The following RBPMS variants were observed in gnomAD, a reference collection of about 807,000 sequenced individuals.
RBPMS encodes RNA-binding protein with multiple splicing.
RBPMS carries 7 observed loss-of-function variants against 26.8 expected under a neutral mutation model. The observed-to-expected ratio is 0.26, with a 90% confidence interval of 0.15 to 0.49. The LOEUF is 0.49. Ranked by LOEUF, RBPMS falls within the 20% of genes least tolerant of loss-of-function variation. The pLI, the probability that RBPMS is intolerant of heterozygous loss-of-function variation, is 0.98. For synonymous variants in RBPMS, 96 were observed against 93.3 expected, an observed-to-expected ratio of 1.03 and a Z score of -0.17; for missense variants, 186 against 250.0, an observed-to-expected ratio of 0.74 and a Z score of 1.73.
At chr8:30,470,813 G>A (rs1817006652) in intron 1 of RBPMS, among the ~76,000 whole-genome samples, 1 of 152,168 alleles carries the variant, frequency 6.6e-6, no homozygotes, top group African/African-American at 2.4e-5. Context: ...GCATCTATGG[G>A]TGAGTGGCAA....
chr8:30,523,898 A>C (rs1823313148), intron 5 of RBPMS, among the ~76,000 whole-genome samples: 1 of 152,138 alleles, frequency 6.6e-6, no homozygotes, highest in Non-Finnish European at 1.5e-5. Context: ...TGTTATGGAA[A>C]ATTTCAAACA....
intron 4 of RBPMS, among the ~76,000 whole-genome samples, chr8:30,493,157 A>G (rs1235846249): frequency 1.3e-5 from 2 of 152,222 alleles, no homozygotes; most frequent in South Asian, 2.1e-4. Context: ...TTGGGCCAAC[A>G]TTAAGCCAAT....
intron 4 of RBPMS, among the ~76,000 whole-genome samples, chr8:30,498,431 T>C (rs1820207676): frequency 6.6e-6 from 1 of 152,212 alleles, no homozygotes; most frequent in South Asian, 2.1e-4. Context: ...AATGGTAGAA[T>C]AGTTTTTACT....
chr8:30,557,382 A>G (rs1827033962), intron 6 of RBPMS, among the ~76,000 whole-genome samples: 1 of 152,140 alleles, frequency 6.6e-6, no homozygotes. Flanking sequence ...CCCTGCTTTT[A>G]GAATCAAGTT....
intron 5 of RBPMS, among the ~76,000 whole-genome samples, chr8:30,538,220 T>C (rs1825002773): frequency 6.6e-6 from 1 of 152,132 alleles, no homozygotes. Context: ...TAATTAGTGC[T>C]GGGTGGTGGA....
intron 5 of RBPMS, among the ~76,000 whole-genome samples, chr8:30,504,976 T>G (rs1820939877): frequency 6.6e-6 from 1 of 152,206 alleles, no homozygotes; most frequent in African/African-American, 2.4e-5. Flanking sequence ...AGTAAAACTT[T>G]AAGGAAATTT....
chr8:30,481,131 G>GCTGTA (rs755240617), intron 4 of RBPMS, among the ~76,000 whole-genome samples: 12 of 152,192 alleles, frequency 7.9e-5, no homozygotes, highest in Non-Finnish European at 1.5e-4. Flanking sequence ...GGTTTTGTTT[G>GCTGTA]TTTGTTAAAG....
intron 5 of RBPMS, among the ~76,000 whole-genome samples, chr8:30,537,965 G>A (rs1230527746): frequency 1.3e-5 from 2 of 152,246 alleles, no homozygotes; most frequent in South Asian, 2.1e-4. Flanking sequence ...ATGAGTGACA[G>A]TAAGTTCACT....
rs1821108899 is a variant in RBPMS at position 30,506,759 on chromosome 8, GTT to G, written c.397+2327_397+2328del. On this transcript the variant is annotated intron_variant, in intron 5 of 8. Coordinates refer to ENST00000397323, the MANE Select transcript of RBPMS (RefSeq NM_001008710.3). ...TTTATAAATGTTTCTTTTGGTTACT[GTT>G]TTTATATGGTAGTGGCTGAAAAGCA... Among the ~76,000 whole-genome samples the G allele has an allele frequency of 2.0e-5, 3 of 152,286 alleles. No homozygotes were observed. In the South Asian group the frequency reaches 6.2e-4, roughly 32 times the overall value.
rs879534669 is a variant in RBPMS at position 30,386,856 on chromosome 8, C to CT, written c.66+1708dup. Among the ~76,000 whole-genome samples, 770 of 149,934 alleles carry CT rather than the reference C, an allele frequency of 5.1e-3. 5 individuals are homozygous for CT. Among genetic ancestry groups the CT allele is most frequent in the Non-Finnish European group, 7.7e-3 (517 of 67,362 alleles). On this transcript the variant is annotated intron_variant, in intron 1 of 8. Transcript: ENST00000397323. ...TTCTTTATTCACCCAGTTGAGAAAA[C>CT]TTTTTTTTTTCCTTTTGGTAGGTAG...
chr8:30,446,838 T>TGC (rs1420579582), intron 1 of RBPMS: 11 of 92,902 alleles, frequency 1.2e-4, no homozygotes, highest in East Asian at 6.6e-4. Flanking sequence ...TGTGTGTGTG[T>TGC]GTGTGCGCGC....
At chr8:30,511,360 T>C (rs973978083) in intron 5 of RBPMS, among the ~76,000 whole-genome samples, 1 of 148,092 alleles carries the variant, frequency 6.8e-6, no homozygotes, top group Non-Finnish European at 1.5e-5. Flanking sequence ...GGTTGATCAT[T>C]CCTGTAATCC....
chr8:30,532,553 C>T (rs1824341276), intron 5 of RBPMS, among the ~76,000 whole-genome samples: 1 of 152,112 alleles, frequency 6.6e-6, no homozygotes, highest in Non-Finnish European at 1.5e-5. Context: ...TCCAATGTTG[C>T]ACAGCTGGTA....
chr8:30,553,398 C>A (rs1483753842), intron 6 of RBPMS: 1 of 152,232 alleles, frequency 6.6e-6, no homozygotes, highest in African/African-American at 2.4e-5. Context: ...TGCACATCAT[C>A]CCTCCAGCCT....
chr8:30,544,485 T>G lies in RBPMS; in HGVS notation c.398-9T>G. On this transcript the variant is annotated splice_polypyrimidine_tract_variant and intron_variant, in intron 5 of 8. Coordinates refer to ENST00000397323, the MANE Select transcript of RBPMS (RefSeq NM_001008710.3). The stretch of plus-strand genomic sequence containing the variant: ...AACCACTAACTCTCGCCTTATTCTT[T>G]TCTTGCAGATGAGCTCACAGTGCCT... The G allele has an allele frequency of 6.2e-7, 1 of 1,612,828 alleles. No homozygotes were observed. Among genetic ancestry groups the G allele is most frequent in the East Asian group, 2.2e-5 (1 of 44,838 alleles).
intron 1 of RBPMS, among the ~76,000 whole-genome samples, chr8:30,437,655 A>G (rs1360766242): frequency 6.6e-6 from 1 of 152,080 alleles, no homozygotes; most frequent in Non-Finnish European, 1.5e-5. Flanking sequence ...GCCGGGCATG[A>G]TATTGCTTGC....
chr8:30,411,981 G>A (rs868828399), intron 1 of RBPMS, among the ~76,000 whole-genome samples: 3 of 104,648 alleles, frequency 2.9e-5, no homozygotes, highest in African/African-American at 4.4e-5. Context: ...GTGAGACTTC[G>A]TCTCAAAAAA....
intron 1 of RBPMS, among the ~76,000 whole-genome samples, chr8:30,470,724 G>A (rs904547179): frequency 7.2e-5 from 11 of 152,084 alleles, no homozygotes; most frequent in African/African-American, 2.4e-4. Context: ...CCTAAGTCTC[G>A]TCCATGTTTA....
chr8:30,552,692 CAAGTG>C (rs1193699233), intron 6 of RBPMS: 1 of 152,224 alleles, frequency 6.6e-6, no homozygotes, highest in Non-Finnish European at 1.5e-5. Flanking sequence ...AGTGGCATCT[CAAGTG>C]AACTTCTGAG....
Sources: allele counts gnomAD v4.1 joint callset (sites outside exome capture counted in the v4.1 genomes callset), GRCh38; gene constraint gnomAD v4.1.1; transcripts MANE v1.5; gene names NCBI Gene and HGNC (gene_info 2026-07-23, HGNC 2026-07-21).